ARHGAP24: variants seen among roughly 807,000 people sequenced by gnomAD.
ARHGAP24 encodes the protein Rho GTPase activating protein 24.
A neutral mutation model predicts 76.4 loss-of-function variants in ARHGAP24; 50 were observed. That is an observed-to-expected ratio of 0.65 (90% confidence interval 0.52 to 0.83). The LOEUF (loss-of-function observed/expected upper bound fraction) is 0.83. Ranked by LOEUF, ARHGAP24 falls within the 40% of genes least tolerant of loss-of-function variation. The pLI, the probability that ARHGAP24 is intolerant of heterozygous loss-of-function variation, is 0.00. For synonymous variants in ARHGAP24, 345 were observed against 323.3 expected (o/e 1.07, Z -0.72); for missense variants, 930 against 914.2 (o/e 1.02, Z -0.22).
rs143817442 is a variant in ARHGAP24, at chr4:85,738,505, A to G, written c.268+16533A>G. 1.3e-3 allele frequency among the ~76,000 whole-genome samples: 198 copies of G among 151,500 alleles called. 3 individuals carry two copies. The East Asian group carries it at 0.032, about 24-fold the overall frequency. ...AACCTATAATATTTTCTCCTATCCC[A>G]TGAGTTGTTCTTTTACTTTACTGGT... On this transcript the variant is annotated intron_variant, in intron 3 of 9. Transcript: ENST00000395184.
chr4:85,972,981 T>G (rs1272172332), intron 6 of ARHGAP24, among the ~76,000 whole-genome samples: 1 of 152,234 alleles, frequency 6.6e-6, no homozygotes. Flanking sequence ...CTTTGGGGTT[T>G]TTTTCATTAT....
intron 2 of ARHGAP24, among the ~76,000 whole-genome samples, chr4:85,614,593 GA>G (rs1312381726): frequency 3.3e-5 from 5 of 151,952 alleles, no homozygotes; most frequent in East Asian, 3.9e-4. Context: ...GAAAGCTATT[GA>G]AAAAAATATT....
intron 1 of ARHGAP24, among the ~76,000 whole-genome samples, chr4:85,505,423 T>A (rs538457460): frequency 6.6e-6 from 1 of 152,360 alleles, no homozygotes; most frequent in East Asian, 1.9e-4. Context: ...TTTGTTTCTT[T>A]TTACTCTTTT....
chr4:85,485,741 T>G (rs1723026239), intron 1 of ARHGAP24, among the ~76,000 whole-genome samples: 1 of 151,048 alleles, frequency 6.6e-6, no homozygotes. Flanking sequence ...TTGAACAGTT[T>G]TTTTTTTTTT....
chr4:85,540,059 C>T (rs74489726), intron 1 of ARHGAP24, among the ~76,000 whole-genome samples: 1 of 151,626 alleles, frequency 6.6e-6, no homozygotes. Flanking sequence ...TAAATAAATA[C>T]ATAATAAAAT....
Position 85,994,968 on chromosome 4 carries a change from C to T in ARHGAP24, c.1314C>T (p.Phe438=), listed in dbSNP as rs1398757961. ...GTGGGATAGTTACCAATGGGTCCTT[C>T]AGCAGCAGTAATGCAGAAGGTCTTG... is the stretch of plus-strand genomic sequence containing the variant. ...KGSGIVTNGS[F]SSSNAEGLEK... The change falls in exon 9 of 10, where the codon TTC becomes TTT. Residue 438 remains phenylalanine (F), a synonymous_variant. Transcript: ENST00000395184. The T allele has an allele frequency of 1.9e-6, 3 of 1,614,102 alleles. No individual in the cohort carries two copies. The highest frequency in any genetic ancestry group is 1.7e-6 in the Non-Finnish European group (2 of 1,180,028).
chr4:85,605,549 AAGAGCTATTATGT>A (rs1330071624), intron 2 of ARHGAP24, among the ~76,000 whole-genome samples: 1 of 152,228 alleles, frequency 6.6e-6, no homozygotes, highest in Non-Finnish European at 1.5e-5. Flanking sequence ...TTCATACAAC[AAGAGCTATTATGT>A]AGTCCTTTAA....
intron 3 of ARHGAP24, among the ~76,000 whole-genome samples, chr4:85,804,907 G>A (rs950151534): frequency 1.3e-5 from 2 of 152,084 alleles, no homozygotes; most frequent in African/African-American, 4.8e-5. Flanking sequence ...AGCTTTGGAG[G>A]TGGGATAATG....
chr4:85,999,688 A>G (rs1001200091), intron 9 of ARHGAP24, among the ~76,000 whole-genome samples: 3 of 152,206 alleles, frequency 2.0e-5, no homozygotes. Context: ...TATGTATATG[A>G]TTTGGATCTT....
chr4:85,904,347 A>G (rs952160826), intron 3 of ARHGAP24, among the ~76,000 whole-genome samples: 1 of 152,162 alleles, frequency 6.6e-6, no homozygotes, highest in Non-Finnish European at 1.5e-5. Context: ...ACACTTTTAA[A>G]TAACTACATT....
chr4:85,970,443 A>C (rs771872449), intron 5 of ARHGAP24, among the ~76,000 whole-genome samples: 34 of 152,256 alleles, frequency 2.2e-4, no homozygotes, highest in Non-Finnish European at 3.1e-4. Flanking sequence ...AGCCTTGACT[A>C]GGGTACAAGT....
chr4:85,888,185 G>A (rs936876709), intron 3 of ARHGAP24, among the ~76,000 whole-genome samples: 21 of 152,048 alleles, frequency 1.4e-4, no homozygotes, highest in African/African-American at 4.8e-4. Flanking sequence ...GGTGGATCAC[G>A]AGGTCAGGAG....
intron 2 of ARHGAP24, among the ~76,000 whole-genome samples, chr4:85,664,278 G>A (rs1166179046): frequency 6.6e-6 from 1 of 151,016 alleles, no homozygotes; most frequent in Admixed American, 6.6e-5. Flanking sequence ...ATTTCTTCTG[G>A]ATTTTCTAGT....
intron 3 of ARHGAP24, chr4:85,779,081 C>A: frequency 1.4e-6 from 1 of 703,910 alleles, no homozygotes; most frequent in South Asian, 6.4e-5. Context: ...GAAAATATAC[C>A]CTTGAAAATA....
intron 3 of ARHGAP24, among the ~76,000 whole-genome samples, chr4:85,794,928 T>C (rs566434104): frequency 6.6e-6 from 1 of 152,232 alleles, no homozygotes; most frequent in African/African-American, 2.4e-5. Context: ...CTGCAGCTGA[T>C]GAAATAAAGG....
chr4:85,879,722 A>G (rs992391762), intron 3 of ARHGAP24, among the ~76,000 whole-genome samples: 1 of 152,028 alleles, frequency 6.6e-6, no homozygotes, highest in Admixed American at 6.6e-5. Context: ...TAATTAAATT[A>G]TATGTATTTA....
chr4:85,719,870 A>C (rs1203404522), intron 2 of ARHGAP24, among the ~76,000 whole-genome samples: 1 of 152,192 alleles, frequency 6.6e-6, no homozygotes, highest in African/African-American at 2.4e-5. Context: ...AGTATATTTT[A>C]GATGTAGACA....
At chr4:85,562,812 G>A (rs1466039401) in intron 1 of ARHGAP24, among the ~76,000 whole-genome samples, 2 of 152,176 alleles carry the variant, frequency 1.3e-5, no homozygotes, top group African/African-American at 4.8e-5. Context: ...AAACTTGAAG[G>A]CAACAATAGG....
chr4:85,791,545 C>T (rs1728127399), intron 3 of ARHGAP24, among the ~76,000 whole-genome samples: 1 of 152,128 alleles, frequency 6.6e-6, no homozygotes, highest in African/African-American at 2.4e-5. Context: ...TTAGTCATGG[C>T]CAGATAACTT....
Sources: allele counts gnomAD v4.1 joint callset (sites outside exome capture counted in the v4.1 genomes callset), GRCh38; gene constraint gnomAD v4.1.1; transcripts MANE v1.5; gene names NCBI Gene and HGNC (gene_info 2026-07-23, HGNC 2026-07-21).